The following LIAT1 variants were observed in gnomAD, a reference collection of about 807,000 sequenced individuals.
LIAT1 encodes protein LIAT1.
At chr17:411,854 G>A in the LIAT1 span, among the ~76,000 whole-genome samples, 1 of 152,218 alleles carries the variant, frequency 6.6e-6, no homozygotes, top group Non-Finnish European at 1.5e-5. Context: ...ACTGTCGCCC[G>A]TGTGGTCCAC....
chr17:413,428 A>G, the LIAT1 span: 24 of 1,613,900 alleles, frequency 1.5e-5, 1 homozygote, highest in Admixed American at 1.8e-4. Context: ...ATCGGAGAAA[A>G]CGGTACCGGT....
the LIAT1 span, chr17:410,557 C>T: frequency 6.5e-6 from 10 of 1,546,810 alleles, no homozygotes; most frequent in Non-Finnish European, 8.7e-6. Context: ...AGACTGCCCC[C>T]CATCACAGGC....
the LIAT1 span, chr17:414,179 C>A: frequency 6.5e-7 from 1 of 1,538,064 alleles, no homozygotes; most frequent in Non-Finnish European, 8.8e-7. The surrounding 1 kb of genome is among the most constrained non-coding windows in gnomAD (Gnocchi z 4.1). Context: ...GTGTTAAAAA[C>A]CATCATCATA....
the LIAT1 span, chr17:414,182 T>A: frequency 2.6e-6 from 4 of 1,534,026 alleles, no homozygotes; most frequent in Non-Finnish European, 2.6e-6. This position sits in a 1 kb window ranked among gnomAD's most constrained non-coding sequence, Gnocchi z 4.1. Context: ...TTAAAAACCA[T>A]CATCATAAAA....
the LIAT1 span, chr17:413,453 G>C: frequency 6.2e-7 from 1 of 1,608,822 alleles, no homozygotes; most frequent in Non-Finnish European, 8.5e-7. Flanking sequence ...GGCCCTCAAG[G>C]GCTTCCACCC....
chr17:413,547 T>C, the LIAT1 span: 1 of 1,508,160 alleles, frequency 6.6e-7, no homozygotes, highest in Non-Finnish European at 8.9e-7. Flanking sequence ...CTCAAGGGCT[T>C]CCACCCCGAC....
At chr17:410,445 G>T in the LIAT1 span, 1 of 1,539,062 alleles carries the variant, frequency 6.5e-7, no homozygotes, top group Non-Finnish European at 8.7e-7. Context: ...GCAGCCCAGC[G>T]GGCGGCTGGA....
At chr17:411,341 A>T in the LIAT1 span, among the ~76,000 whole-genome samples, 7,903 of 151,026 alleles carry the variant, frequency 0.052, 259 homozygotes, top group Non-Finnish European at 0.072. Context: ...ACCCTCAACC[A>T]CTCCCCCCAC....
At chr17:413,094 G>A in the LIAT1 span, 331 of 1,580,748 alleles carry the variant, frequency 2.1e-4, 1 homozygote, top group Non-Finnish European at 2.7e-4. Context: ...ACCATCCCCA[G>A]CAGGCCAAGG....
At chr17:412,070 C>G in the LIAT1 span, among the ~76,000 whole-genome samples, 1 of 152,206 alleles carries the variant, frequency 6.6e-6, no homozygotes, top group African/African-American at 2.4e-5. Flanking sequence ...CAGTTCAGGT[C>G]AAGAAGCCCT....
At chr17:414,468 C>A in the LIAT1 span, 1 of 226,320 alleles carries the variant, frequency 4.4e-6, no homozygotes, top group Non-Finnish European at 8.7e-6. The surrounding 1 kb of genome is among the most constrained non-coding windows in gnomAD (Gnocchi z 4.1). Flanking sequence ...CATGGTGAAA[C>A]TCCTCACACG....
At chr17:414,364 C>G in the LIAT1 span, 2 of 501,252 alleles carry the variant, frequency 4.0e-6, no homozygotes, top group South Asian at 2.6e-5. The surrounding 1 kb of genome is among the most constrained non-coding windows in gnomAD (Gnocchi z 4.1). Context: ...GTAAGCATCT[C>G]TGTTACTTAA....
At chr17:410,458 G>C in the LIAT1 span, 14 of 1,540,172 alleles carry the variant, frequency 9.1e-6, no homozygotes, top group Non-Finnish European at 1.1e-5. Flanking sequence ...CGGCTGGACC[G>C]CCGCGGTGGG....
the LIAT1 span, chr17:413,429 CG>C: frequency 1.2e-6 from 2 of 1,614,202 alleles, no homozygotes; most frequent in Non-Finnish European, 1.7e-6. Context: ...TCGGAGAAAA[CG>C]GTACCGGTGC....
the LIAT1 span, chr17:410,686 C>A: frequency 1.3e-6 from 2 of 1,519,412 alleles, no homozygotes; most frequent in Admixed American, 2.0e-5. Flanking sequence ...AGCTCCGGTT[C>A]CCTGGAGACT....
chr17:410,661 T>G, the LIAT1 span: 3 of 1,536,724 alleles, frequency 2.0e-6, no homozygotes, highest in Non-Finnish European at 2.6e-6. Context: ...GAGGAGCAGC[T>G]AGCCCGGCTG....
the LIAT1 span, among the ~76,000 whole-genome samples, chr17:412,922 G>T: frequency 6.6e-6 from 1 of 152,218 alleles, no homozygotes; most frequent in Non-Finnish European, 1.5e-5. Context: ...TTACCCAGAC[G>T]GCCTGGCTCA....
chr17:412,681 A>T, the LIAT1 span, among the ~76,000 whole-genome samples: 2 of 152,150 alleles, frequency 1.3e-5, no homozygotes, highest in Non-Finnish European at 2.9e-5. Flanking sequence ...CGTTCCTTCC[A>T]TCATAAAGTG....
chr17:412,301 C>CA, the LIAT1 span, among the ~76,000 whole-genome samples: 277 of 117,596 alleles, frequency 2.4e-3, 1 homozygote, highest in East Asian at 0.018. Context: ...GACTCAGTCT[C>CA]AAAAAAAAAA....
Sources: gnomAD v4.1 joint callset for allele counts (sites outside exome capture counted in the v4.1 genomes callset) on GRCh38, gnomAD v4.1.1 for gene constraint, Gnocchi (gnomAD v3.1) non-coding constraint, MANE v1.5 for transcripts, NCBI Gene and HGNC (gene_info 2026-07-23, HGNC 2026-07-21) for gene names.